The following R3HDM2 variants were observed in gnomAD, a reference collection of about 807,000 sequenced individuals.
The protein encoded by R3HDM2 is R3H domain containing 2.
A neutral mutation model predicts 124.5 loss-of-function variants in R3HDM2; 38 were observed. The ratio of observed to expected loss-of-function variants is 0.31; its 90% CI spans 0.24 to 0.40. The LOEUF (loss-of-function observed/expected upper bound fraction) is 0.40, where lower values mean the gene tolerates loss of function less well. R3HDM2 is among the 10% of genes least tolerant of loss of function. The pLI, the probability that R3HDM2 is intolerant of heterozygous loss-of-function variation, is 1.00. For missense variants in R3HDM2, 869 were observed against 1,236.9 expected, an observed-to-expected ratio of 0.70 and a Z score of 4.46; for synonymous variants, 391 against 448.0, an observed-to-expected ratio of 0.87 and a Z score of 1.61.
intron 2 of R3HDM2, among the ~76,000 whole-genome samples, chr12:57,361,628 G>A (rs1220471157): frequency 2.0e-5 from 3 of 151,830 alleles, no homozygotes; most frequent in East Asian, 3.9e-4. Flanking sequence ...AGGCTGCGGC[G>A]GTGTGTCATG....
intron 14 of R3HDM2, among the ~76,000 whole-genome samples, chr12:57,279,013 T>C (rs1006629575): frequency 6.6e-6 from 1 of 151,864 alleles, no homozygotes; most frequent in East Asian, 1.9e-4. Flanking sequence ...GGAGGTAACA[T>C]GAGAATGTAA....
intron 1 of R3HDM2, among the ~76,000 whole-genome samples, chr12:57,396,211 C>T (rs1274916168): frequency 2.7e-5 from 4 of 148,452 alleles, no homozygotes; most frequent in East Asian, 2.0e-4. Context: ...TGGCCGAGGC[C>T]GGTGGATCAC....
At chr12:57,300,328 T>C (rs1044301803) in intron 4 of R3HDM2, 147 bp from the exon 5 acceptor site, 2 of 641,122 alleles carry the variant, frequency 3.1e-6, no homozygotes, top group Non-Finnish European at 5.4e-6. Context: ...GGGGTTTTTT[T>C]CAAACGGGTC....
chr12:57,338,333 G>A (rs548785489), intron 2 of R3HDM2, among the ~76,000 whole-genome samples: 174 of 140,980 alleles, frequency 1.2e-3, no homozygotes, highest in African/African-American at 4.4e-3. Flanking sequence ...AAAACAACAC[G>A]CACAATTATA....
chr12:57,269,253 A>C lies in R3HDM2; in HGVS notation c.1714+70T>G. The C allele has an allele frequency of 1.3e-5, 21 of 1,589,640 alleles. No homozygotes were observed. The South Asian group carries it at 2.3e-4, about 17-fold the overall frequency. On this transcript the variant is annotated intron_variant, in intron 16 of 23. Transcript: ENST00000402412. ...AGACCCACCTTCATTTTAATGGAGA[A>C]GGTACTTCTTTCTTTCCTGGTGTGC...
chr12:57,426,201 T>C (rs927941197), intron 1 of R3HDM2, among the ~76,000 whole-genome samples: 1 of 152,024 alleles, frequency 6.6e-6, no homozygotes, highest in African/African-American at 2.4e-5. Context: ...GCACTCCAGC[T>C]TGGGCGACAG....
At chr12:57,289,239 C>A (rs534117399) in intron 11 of R3HDM2, among the ~76,000 whole-genome samples, 199 bp from the exon 12 acceptor site, 4 of 152,148 alleles carry the variant, frequency 2.6e-5, no homozygotes, top group African/African-American at 9.6e-5. Flanking sequence ...GAAAGAACAT[C>A]TGGTGGTTTT....
At chr12:57,407,319 C>G (rs544089204) in intron 1 of R3HDM2, among the ~76,000 whole-genome samples, 1 of 151,842 alleles carries the variant, frequency 6.6e-6, no homozygotes, top group East Asian at 1.9e-4. Context: ...TTATTTGGAT[C>G]CTATTTTAAA....
At chr12:57,369,803 T>A (rs2063101082) in intron 2 of R3HDM2, among the ~76,000 whole-genome samples, 1 of 152,064 alleles carries the variant, frequency 6.6e-6, no homozygotes, top group African/African-American at 2.4e-5. Flanking sequence ...AATTTAAAAA[T>A]ATATATATGA....
chr12:57,317,650 G>A (rs1367241995), intron 2 of R3HDM2, among the ~76,000 whole-genome samples: 1 of 137,982 alleles, frequency 7.2e-6, no homozygotes, highest in East Asian at 2.1e-4. Flanking sequence ...AAAAAAAAGG[G>A]TATATTAAGA....
intron 2 of R3HDM2, among the ~76,000 whole-genome samples, chr12:57,362,366 TTTC>T (rs2062061335): frequency 6.6e-6 from 1 of 152,200 alleles, no homozygotes; most frequent in Non-Finnish European, 1.5e-5. Flanking sequence ...TTCTTAACAT[TTTC>T]TTTTTTCTAA....
chr12:57,268,415 A>G lies in R3HDM2; in HGVS notation c.1918T>C (p.Phe640Leu). Residue 640 changes from phenylalanine to leucine, a missense_variant, in exon 18 of 24, where the codon TTC becomes CTC. Phe to Leu is a conservative substitution (Grantham distance 22). Coordinates refer to ENST00000402412, the MANE Select transcript of R3HDM2 (RefSeq NM_001394031.1). The stretch of plus-strand genomic sequence containing the variant: ...ACAGGGACCAGCATGGGTTGCTGGA[A>G]AGGCGGCTGGACCACATTTTGCGAG... The part of the protein sequence containing the change: ...SDSQNVVQPP[F>L]QQPMLVPVSQ... 2 of 1,614,132 alleles carry G rather than the reference A, an allele frequency of 1.2e-6. No homozygotes were observed. The highest frequency in any genetic ancestry group is 2.7e-5 in the African/African-American group (2 of 75,034).
chr12:57,260,683 G>A (rs921182138), intron 19 of R3HDM2, among the ~76,000 whole-genome samples: 7 of 152,096 alleles, frequency 4.6e-5, no homozygotes, highest in African/African-American at 1.7e-4. Flanking sequence ...TGGAGAAATG[G>A]GAAATTTGGG....
chr12:57,395,033 C>A (rs984322897), intron 2 of R3HDM2, among the ~76,000 whole-genome samples: 6 of 151,214 alleles, frequency 4.0e-5, no homozygotes, highest in Admixed American at 2.0e-4. Context: ...CATGGTGAAA[C>A]CCGTCTCTAC....
intron 14 of R3HDM2, among the ~76,000 whole-genome samples, chr12:57,277,447 T>TA (rs2045106185): frequency 6.6e-6 from 1 of 152,010 alleles, no homozygotes; most frequent in Admixed American, 6.6e-5. Flanking sequence ...AAAGATTTTT[T>TA]TTTTTTTTTT....
intron 2 of R3HDM2, among the ~76,000 whole-genome samples, chr12:57,359,701 T>C (rs2137517320): frequency 6.6e-6 from 1 of 152,290 alleles, no homozygotes; most frequent in East Asian, 1.9e-4. Flanking sequence ...ATTATTGATA[T>C]GGTTGGATTT....
At chr12:57,392,945 C>T (rs2066933230) in intron 2 of R3HDM2, among the ~76,000 whole-genome samples, 2 of 151,504 alleles carry the variant, frequency 1.3e-5, no homozygotes, top group Non-Finnish European at 2.9e-5. Context: ...GCTGGGACTA[C>T]AGGCACCTGC....
chr12:57,288,896 G>C (rs2047996107), intron 12 of R3HDM2, 113 bp downstream of exon 12: 5 of 1,551,338 alleles, frequency 3.2e-6, no homozygotes, highest in African/African-American at 1.4e-5. Flanking sequence ...AGAAGAAAAG[G>C]CTTCTTTGGA....
chr12:57,364,511 A>G (rs1223992027), intron 2 of R3HDM2, among the ~76,000 whole-genome samples: 1 of 152,110 alleles, frequency 6.6e-6, no homozygotes, highest in Non-Finnish European at 1.5e-5. Context: ...CTAAGAGTCC[A>G]AGATCAAGGT....
Sources: gnomAD v4.1 joint callset for allele counts (sites outside exome capture counted in the v4.1 genomes callset) on GRCh38, gnomAD v4.1.1 for gene constraint, MANE v1.5 for transcripts, NCBI Gene and HGNC (gene_info 2026-07-23, HGNC 2026-07-21) for gene names.